Variants in IQGAP2 observed in about 807,000 individuals in gnomAD.
IQGAP2 encodes IQ motif containing GTPase activating protein 2, also known as ras GTPase-activating-like protein IQGAP2.
A neutral mutation model predicts 201.3 loss-of-function variants in IQGAP2; 173 were observed. That is an observed-to-expected ratio of 0.86 (90% CI 0.76 to 0.98). The LOEUF (loss-of-function observed/expected upper bound fraction) is 0.98. Ranked by LOEUF, IQGAP2 falls within the 50% of genes least tolerant of loss-of-function variation. IQGAP2 has a pLI of 0.00. For synonymous variants in IQGAP2, 675 were observed against 673.9 expected (o/e 1.00, Z -0.03); for missense variants, 1,687 against 1,864.8 (o/e 0.90, Z 1.76).
At chr5:76,645,766 A>C (rs970424615) in intron 17 of IQGAP2, among the ~76,000 whole-genome samples, 1 of 152,200 alleles carries the variant, frequency 6.6e-6, no homozygotes, top group Non-Finnish European at 1.5e-5. Context: ...ATTTTACATA[A>C]ATAGTTATGA....
chr5:76,694,110 A>C (rs1746513345), intron 31 of IQGAP2: 1 of 152,204 alleles, frequency 6.6e-6, no homozygotes, highest in Non-Finnish European at 1.5e-5. Context: ...ATTGATTGCC[A>C]AGGAATCCTT....
chr5:76,491,815 T>G (rs1756565364), intron 2 of IQGAP2, among the ~76,000 whole-genome samples: 1 of 152,142 alleles, frequency 6.6e-6, no homozygotes, highest in African/African-American at 2.4e-5. Context: ...AACATGCTGC[T>G]CCCCTCACCT....
intron 13 of IQGAP2, chr5:76,618,771 A>G (rs1749287780): frequency 2.4e-6 from 2 of 820,220 alleles, no homozygotes; most frequent in Non-Finnish European, 3.7e-6. Context: ...GTTATTGTAG[A>G]TTAGGCAGTC....
At chr5:76,480,077 T>C (rs1036275333) in intron 2 of IQGAP2, among the ~76,000 whole-genome samples, 5 of 152,088 alleles carry the variant, frequency 3.3e-5, no homozygotes, top group African/African-American at 1.2e-4. Flanking sequence ...TTGTGCCACT[T>C]TACGCACCCA....
chr5:76,576,892 G>C (rs1005031568), intron 5 of IQGAP2, among the ~76,000 whole-genome samples: 1 of 152,348 alleles, frequency 6.6e-6, no homozygotes, highest in South Asian at 2.1e-4. Flanking sequence ...CTTCTCAGAT[G>C]TGGCGAGAGT....
chr5:76,608,867 G>T, intron 12 of IQGAP2: 1 of 400,086 alleles, frequency 2.5e-6, no homozygotes, highest in Non-Finnish European at 4.7e-6. Flanking sequence ...TACCTCATCT[G>T]CTGCCTCAAA....
At chr5:76,679,073 T>C (rs1745069744) in intron 28 of IQGAP2, among the ~76,000 whole-genome samples, 1 of 152,248 alleles carries the variant, frequency 6.6e-6, no homozygotes, top group African/African-American at 2.4e-5. Flanking sequence ...GACTCATTTA[T>C]ATTTGAGCAA....
At chr5:76,445,902 G>T (rs573555966) in intron 1 of IQGAP2, among the ~76,000 whole-genome samples, 2 of 152,094 alleles carry the variant, frequency 1.3e-5, no homozygotes, top group Non-Finnish European at 2.9e-5. Flanking sequence ...CTATGAATTT[G>T]ACTACTCTTG....
chr5:76,630,171 G>C (rs1410387346), intron 14 of IQGAP2, among the ~76,000 whole-genome samples: 1 of 152,190 alleles, frequency 6.6e-6, no homozygotes, highest in Admixed American at 6.5e-5. Context: ...GCACACCAAT[G>C]TCAGTAAAAA....
chr5:76,610,960 A>G lies in IQGAP2; in HGVS notation c.1358-60A>G, dbSNP rs1360289406. 4.3e-6 allele frequency: 6 copies of G among 1,401,942 alleles called. No individual in the cohort carries two copies. The African/African-American group carries it at 5.7e-5, about 13-fold the overall frequency. The allele number at this position is 1,401,942 out of a possible 1,614,324, so 86.8% of individuals were successfully genotyped here. A position where few individuals can be genotyped will look rare whatever the true frequency, so the allele number is the denominator to read the frequency against. ...GTTAATTAGCCTTTTGCAATCGGTG[A>G]TACTAAAGAAGTTATAATGTACTGT... On this transcript the variant is annotated intron_variant, in intron 12 of 35. Transcript: ENST00000274364.
intron 2 of IQGAP2, among the ~76,000 whole-genome samples, chr5:76,546,005 T>A (rs1005069920): frequency 1.1e-4 from 16 of 152,212 alleles, no homozygotes; most frequent in Non-Finnish European, 5.9e-5. Context: ...ATTTTCTTTT[T>A]CTTAAGCCAG....
At chr5:76,556,428 C>T (rs933836486) in intron 2 of IQGAP2, among the ~76,000 whole-genome samples, 2 of 152,160 alleles carry the variant, frequency 1.3e-5, no homozygotes, top group Non-Finnish European at 2.9e-5. Flanking sequence ...TTGCTGGCTG[C>T]TCTTTGATAG....
At chr5:76,498,066 G>A (rs1052773317) in intron 2 of IQGAP2, among the ~76,000 whole-genome samples, 1 of 152,166 alleles carries the variant, frequency 6.6e-6, no homozygotes, top group African/African-American at 2.4e-5. Flanking sequence ...TGGAACTCCC[G>A]GATAAGGAAA....
At position 76,441,321 on chromosome 5, in the gene IQGAP2, C is replaced by T. The variant is rs1451341695; in HGVS notation, c.47-20249C>T. ...TGAGATGCCCGTTTATTCTTCCTGC[C>T]ACTGTGTAATCACATTCATCTATAA... is the stretch of plus-strand genomic sequence containing the variant. On this transcript the variant is annotated intron_variant, in intron 1 of 35. Coordinates refer to ENST00000274364, the MANE Select transcript of IQGAP2 (RefSeq NM_006633.5). Among the ~76,000 whole-genome samples, 5 of 152,182 alleles carry T rather than the reference C, an allele frequency of 3.3e-5. No individual in the cohort carries two copies. The East Asian group carries it at 9.6e-4, about 29-fold the overall frequency.
intron 30 of IQGAP2, among the ~76,000 whole-genome samples, chr5:76,685,064 T>C (rs1745618765): frequency 6.6e-6 from 1 of 152,146 alleles, no homozygotes; most frequent in African/African-American, 2.4e-5. Flanking sequence ...GCCCCTGTCT[T>C]ACAGGGGTGG....
chr5:76,568,704 T>C (rs373095131), intron 3 of IQGAP2, among the ~76,000 whole-genome samples: 14 of 152,098 alleles, frequency 9.2e-5, no homozygotes, highest in East Asian at 5.8e-4. Flanking sequence ...GTGGTTCTAG[T>C]AGGGATTTAG....
intron 2 of IQGAP2, among the ~76,000 whole-genome samples, chr5:76,489,689 A>T (rs1756414761): frequency 6.6e-6 from 1 of 152,110 alleles, no homozygotes; most frequent in Non-Finnish European, 1.5e-5. Flanking sequence ...CTGGTCTACA[A>T]CACCTGACCT....
intron 2 of IQGAP2, chr5:76,510,422 C>T: frequency 3.6e-6 from 1 of 279,924 alleles, no homozygotes; most frequent in Non-Finnish European, 7.1e-6. Context: ...CGGTGCAGGG[C>T]CCATACAGGC....
chr5:76,586,076 G>A lies in IQGAP2; in HGVS notation c.459-2830G>A, dbSNP rs115649502. ...GTCAGCATGGTATCTTAATGATCTA[G>A]CTTTAATTATAATGACTTGTTGGCA... On this transcript the variant is annotated intron_variant, in intron 5 of 35. Coordinates refer to ENST00000274364, the MANE Select transcript of IQGAP2 (RefSeq NM_006633.5). Among the ~76,000 whole-genome samples, 200 of 152,234 alleles carry A rather than the reference G, an allele frequency of 1.3e-3. 1 individual carries two copies. The highest frequency in any genetic ancestry group is 4.3e-3 in the African/African-American group (178 of 41,526).
Sources: allele counts gnomAD v4.1 joint callset (sites outside exome capture counted in the v4.1 genomes callset), GRCh38; gene constraint gnomAD v4.1.1; transcripts MANE v1.5; gene names NCBI Gene and HGNC (gene_info 2026-07-23, HGNC 2026-07-21).